ZNF536: variants seen among roughly 807,000 people sequenced by gnomAD.
The protein encoded by ZNF536 is zinc finger protein 536.
In ZNF536, 13 loss-of-function variants were observed where a neutral mutation model predicts 84.5. The observed-to-expected ratio is 0.15, with a 90% CI of 0.10 to 0.24. ZNF536 has a LOEUF of 0.24. Ranked by LOEUF, ZNF536 falls within the 10% of genes least tolerant of loss-of-function variation. ZNF536 has a pLI of 1.00. For synonymous variants in ZNF536, 811 were observed against 742.5 expected (o/e 1.09, Z -1.50); for missense variants, 1,536 against 1,747.5 (o/e 0.88, Z 2.16).
chr19:30,525,307 G>A (rs919655169), intron 2 of ZNF536, among the ~76,000 whole-genome samples: 23 of 152,220 alleles, frequency 1.5e-4, no homozygotes, highest in Non-Finnish European at 2.8e-4. Flanking sequence ...GAGCACTTCC[G>A]ATGTTTTGAC....
chr19:30,665,109 C>T (rs988816352), intron 1 of ZNF536, among the ~76,000 whole-genome samples: 5 of 152,158 alleles, frequency 3.3e-5, no homozygotes, highest in South Asian at 4.1e-4. Flanking sequence ...TTTGGGAGGG[C>T]GAGGCAGATG....
intron 1 of ZNF536, among the ~76,000 whole-genome samples, chr19:30,248,330 A>G (rs900351479): frequency 6.8e-6 from 1 of 147,724 alleles, no homozygotes; most frequent in Non-Finnish European, 1.5e-5. Flanking sequence ...CCTGGGTCCA[A>G]GTGATTCTCA....
intron 1 of ZNF536, among the ~76,000 whole-genome samples, chr19:30,657,114 TC>T (rs1192761261): frequency 6.6e-6 from 1 of 152,246 alleles, no homozygotes; most frequent in East Asian, 1.9e-4. Flanking sequence ...CCCTGCGTTT[TC>T]CCAGTGGTAT....
intron 2 of ZNF536, among the ~76,000 whole-genome samples, chr19:30,346,428 G>T (rs2047744732): frequency 6.6e-6 from 1 of 152,120 alleles, no homozygotes; most frequent in Admixed American, 6.6e-5. Flanking sequence ...GTATAGATTA[G>T]TTGTCACCCA....
intron 2 of ZNF536, among the ~76,000 whole-genome samples, chr19:30,345,781 A>T (rs1254632520): frequency 1.3e-5 from 2 of 152,218 alleles, no homozygotes; most frequent in Non-Finnish European, 2.9e-5. Flanking sequence ...TGAAGTCTGC[A>T]GTCTTCATCC....
At chr19:30,513,802 G>A (rs1027264757) in intron 2 of ZNF536, among the ~76,000 whole-genome samples, 1 of 152,200 alleles carries the variant, frequency 6.6e-6, no homozygotes. Context: ...GGGAAGATTG[G>A]TGGAAGACCA....
chr19:30,649,905 T>C (rs1240474190), intron 1 of ZNF536, among the ~76,000 whole-genome samples: 2 of 117,250 alleles, frequency 1.7e-5, no homozygotes, highest in African/African-American at 7.9e-5. Context: ...TTTGATAATC[T>C]TAACTAAAAA....
intron 1 of ZNF536, among the ~76,000 whole-genome samples, chr19:30,681,174 T>C (rs979645181): frequency 2.0e-5 from 3 of 152,118 alleles, no homozygotes; most frequent in African/African-American, 7.2e-5. Context: ...TCCATGGATA[T>C]GGAAAGTCTG....
chr19:30,627,650 G>A (rs1335713734), intron 1 of ZNF536, among the ~76,000 whole-genome samples: 1 of 152,056 alleles, frequency 6.6e-6, no homozygotes, highest in East Asian at 1.9e-4. Flanking sequence ...TGACACTCAA[G>A]TTCTCTGTAC....
chr19:30,358,219 A>G (rs1384816403), intron 3 of ZNF536, among the ~76,000 whole-genome samples: 2 of 152,158 alleles, frequency 1.3e-5, no homozygotes, highest in African/African-American at 4.8e-5. Context: ...CCTTCCTTTT[A>G]TGGGTGAGAA....
At chr19:30,379,175 A>G (rs1460543327) in intron 1 of ZNF536, among the ~76,000 whole-genome samples, 2 of 152,154 alleles carry the variant, frequency 1.3e-5, no homozygotes, top group African/African-American at 4.8e-5. Flanking sequence ...TCCTGACTAG[A>G]GCTTTCCTGA....
At position 30,272,890 on chromosome 19, in the gene ZNF536, A is replaced by G. The variant is rs549578767; in HGVS notation, c.-189-11182A>G. Among the ~76,000 whole-genome samples the G allele has an allele frequency of 1.9e-4, 29 of 152,272 alleles. No individual in the cohort carries two copies. In the East Asian group the frequency reaches 2.7e-3, roughly 14 times the overall value. On this transcript the variant is annotated intron_variant, in intron 1 of 5. Coordinates refer to the ZNF536 transcript ENST00000585628. ...AACATTCAATAAACATTCTGCTATA[A>G]ACATTCATGCGCATTTTTTTTTAAA...
intron 1 of ZNF536, among the ~76,000 whole-genome samples, chr19:30,666,480 T>A (rs1268481384): frequency 6.6e-6 from 1 of 152,024 alleles, no homozygotes; most frequent in Non-Finnish European, 1.5e-5. Flanking sequence ...CTGGCTGCAC[T>A]CACGTCCTTC....
intron 1 of ZNF536, among the ~76,000 whole-genome samples, chr19:30,630,400 C>CGTGT (rs3028497): frequency 1.9e-4 from 29 of 150,008 alleles, no homozygotes; most frequent in African/African-American, 5.6e-4. Context: ...GGAAGTATCC[C>CGTGT]GTGTGTGTGT....
intron 2 of ZNF536, among the ~76,000 whole-genome samples, chr19:30,340,429 A>G (rs1389287749): frequency 2.0e-5 from 3 of 151,698 alleles, no homozygotes; most frequent in Non-Finnish European, 4.4e-5. Flanking sequence ...TTGGGTGTCA[A>G]TATCCCCTAA....
intron 1 of ZNF536, among the ~76,000 whole-genome samples, chr19:30,701,472 CACAG>C (rs1210803878): frequency 6.6e-6 from 1 of 151,736 alleles, no homozygotes; most frequent in African/African-American, 2.4e-5. Flanking sequence ...CACAAACACA[CACAG>C]ACACACACAA....
intron 1 of ZNF536, among the ~76,000 whole-genome samples, chr19:30,675,388 G>C (rs1424049328): frequency 6.6e-6 from 1 of 152,210 alleles, no homozygotes; most frequent in Non-Finnish European, 1.5e-5. Flanking sequence ...GCAGAGACAG[G>C]TGAGAAAGGA....
chr19:30,566,713 C>G (rs1397435220), intron 1 of ZNF536, among the ~76,000 whole-genome samples: 1 of 148,626 alleles, frequency 6.7e-6, no homozygotes, highest in Non-Finnish European at 1.5e-5. Context: ...AGTGGAGGTC[C>G]CTGTGTGTGG....
At chr19:30,564,632 C>T (rs4804935) in intron 1 of ZNF536, among the ~76,000 whole-genome samples, 39,949 of 151,956 alleles carry the variant, frequency 0.26, 5,611 homozygotes, top group East Asian at 0.36. Flanking sequence ...CAGCCCCTGG[C>T]GCTCGGGCTG....
Sources: gnomAD v4.1 joint callset for allele counts (sites outside exome capture counted in the v4.1 genomes callset) on GRCh38, gnomAD v4.1.1 for gene constraint, MANE v1.5 for transcripts, NCBI Gene and HGNC (gene_info 2026-07-23, HGNC 2026-07-21) for gene names.